FDFT1: variants seen among roughly 807,000 people sequenced by gnomAD.
The protein encoded by FDFT1 is farnesyl-diphosphate farnesyltransferase 1.
A neutral mutation model predicts 46.8 loss-of-function variants in FDFT1; 68 were observed. The ratio of observed to expected loss-of-function variants is 1.45; its 90% CI spans 1.19 to 1.78. The LOEUF (loss-of-function observed/expected upper bound fraction) is 1.78. Among genes scored for constraint, FDFT1 ranks in the 40% most tolerant of loss-of-function variants. The probability of loss-of-function intolerance (pLI) is 0.00; values close to 1 mark genes in which losing one functional copy is unlikely to be tolerated. For missense variants in FDFT1, 928 were observed against 524.4 expected (o/e 1.77, Z -7.52); for synonymous variants, 351 against 185.1 (o/e 1.90, Z -7.28).
chr8:11,798,305 C>G (rs1246402395), upstream of FDFT1, among the ~76,000 whole-genome samples: 1 of 152,136 alleles, frequency 6.6e-6, no homozygotes, highest in Non-Finnish European at 1.5e-5. Context: ...AGTGATCCGC[C>G]TGCATTGGTC....
intron 3 of FDFT1, among the ~76,000 whole-genome samples, chr8:11,810,933 T>A (rs1474791468): frequency 3.4e-5 from 3 of 89,446 alleles, no homozygotes; most frequent in African/African-American, 8.8e-5. Flanking sequence ...GAGCAATATT[T>A]AAAAAAAAAA....
rs1044122185 is a variant in FDFT1, at chr8:11,802,795, G to T, written c.-38G>T. 7 of 1,530,622 alleles carry T rather than the reference G, an allele frequency of 4.6e-6. No individual in the cohort carries two copies. Among genetic ancestry groups the T allele is most frequent in the Non-Finnish European group, 4.5e-6 (5 of 1,115,524 alleles). 94.8% of individuals were successfully genotyped at this position (1,530,622 alleles called of 1,614,324 possible). On this transcript the variant is annotated 5_prime_UTR_variant, in exon 1 of 8. Coordinates refer to ENST00000220584, the MANE Select transcript of FDFT1 (RefSeq NM_004462.5). ...CGGTGAGCGCCTGGGGACCGCAGAG[G>T]TGAGAGTCGCGCCCGGGAGTCCGCC...
At chr8:11,833,371 C>CA (rs1811121804) in intron 7 of FDFT1, among the ~76,000 whole-genome samples, 2 of 152,170 alleles carry the variant, frequency 1.3e-5, no homozygotes, top group South Asian at 4.1e-4. Flanking sequence ...CTAAGGGGTT[C>CA]AACTACCCTT....
At chr8:11,826,540 G>A (rs531430262) in intron 5 of FDFT1, among the ~76,000 whole-genome samples, 6 of 152,300 alleles carry the variant, frequency 3.9e-5, no homozygotes, top group Admixed American at 2.0e-4. Context: ...TCGGCCTGGC[G>A]CAGTGGCTCA....
chr8:11,808,709 G>GTCCCACTCCCACTCCCACTCCCAC lies in FDFT1; in HGVS notation c.100-69_100-46dup, dbSNP rs71711801. The GTCCCACTCCCACTCCCACTCCCAC allele has an allele frequency of 1.7e-3, 2,566 of 1,515,078 alleles. 9 individuals are homozygous for GTCCCACTCCCACTCCCACTCCCAC. The highest frequency in any genetic ancestry group is 7.8e-3 in the South Asian group (625 of 80,588). The allele number at this position is 1,515,078 out of a possible 1,614,324, so 93.9% of individuals were successfully genotyped here. A position where few individuals can be genotyped will look rare whatever the true frequency, so the allele number is the denominator to read the frequency against. Reference sequence around the variant, plus strand: ...GCAGGCTGTGGAGCCGCCTGCCCCAGTCCCACTCCCACTCCCACTCCCACT... The same window carrying GTCCCACTCCCACTCCCACTCCCAC: ...GCAGGCTGTGGAGCCGCCTGCCCCAGTCCCACTCCCACTCCCACTCCCACTCCCACTCCCACTCCCACTCCCACT... On this transcript the variant is annotated intron_variant, in intron 1 of 7. Transcript: ENST00000220584.
intron 7 of FDFT1, among the ~76,000 whole-genome samples, chr8:11,834,488 C>G (rs567647139): frequency 1.3e-5 from 2 of 152,302 alleles, no homozygotes; most frequent in Non-Finnish European, 2.9e-5. Flanking sequence ...AGAGAATCAT[C>G]CGGCTCTTTG....
At chr8:11,807,818 G>A (rs140911289) in intron 1 of FDFT1, 1,704 of 152,328 alleles carry the variant, frequency 0.011, 17 homozygotes, top group South Asian at 0.021. Context: ...AGGTGTCATA[G>A]AAAAACCAGG....
chr8:11,803,081 C>G, intron 1 of FDFT1, 150 bp downstream of exon 1: 1 of 1,442,184 alleles, frequency 6.9e-7, no homozygotes, highest in Non-Finnish European at 9.1e-7. Context: ...CTCGAGCCTT[C>G]CCCCTGTAGG....
chr8:11,800,842 G>A (rs928235310), upstream of FDFT1, among the ~76,000 whole-genome samples: 2 of 152,150 alleles, frequency 1.3e-5, no homozygotes, highest in South Asian at 2.1e-4. Flanking sequence ...TTTTTATACC[G>A]TCATGGCTGG....
intron 6 of FDFT1, among the ~76,000 whole-genome samples, chr8:11,831,077 G>C (rs1184170893): frequency 6.6e-6 from 1 of 152,080 alleles, no homozygotes; most frequent in African/African-American, 2.4e-5. Flanking sequence ...ATCCCCTTCT[G>C]GTTGTTCTCC....
intron 7 of FDFT1, among the ~76,000 whole-genome samples, chr8:11,836,525 A>G (rs1811556218): frequency 6.6e-6 from 1 of 152,212 alleles, no homozygotes; most frequent in African/African-American, 2.4e-5. Context: ...AGGTCCCTCA[A>G]GATCAAGCCA....
rs3189016 is a variant in FDFT1, at chr8:11,838,885, C to T, written c.*276C>T. 4,177 of 448,958 alleles carry T rather than the reference C, an allele frequency of 9.3e-3. 140 individuals carry two copies. Among genetic ancestry groups the T allele is most frequent in the African/African-American group, 0.074 (3,682 of 49,952 alleles). The allele number at this position is 448,958 out of a possible 1,614,324, so 27.8% of individuals were successfully genotyped here. ...TTCAGTGCCACGGTTTAGGTGAAGT[C>T]GCTGCATATGTGACTGTCATGAGAT... On this transcript the variant is annotated 3_prime_UTR_variant, in exon 8 of 8. Transcript: ENST00000220584.
intron 7 of FDFT1, 59 bp downstream of exon 7, chr8:11,831,729 C>T (rs1324710760): frequency 7.4e-6 from 10 of 1,359,804 alleles, no homozygotes; most frequent in African/African-American, 4.3e-5. Context: ...TTAGTAATGT[C>T]ACTGTTTAAC....
intron 1 of FDFT1, among the ~76,000 whole-genome samples, chr8:11,804,093 C>G (rs1374935679): frequency 2.6e-5 from 4 of 152,166 alleles, no homozygotes; most frequent in East Asian, 1.9e-4. Flanking sequence ...GCTGGAGGTA[C>G]AACAGTGAAC....
At chr8:11,808,984 G>GT (rs1319982657) in intron 2 of FDFT1, 93 bp downstream of exon 2, 1 of 1,523,808 alleles carries the variant, frequency 6.6e-7, no homozygotes, top group African/African-American at 1.4e-5. Context: ...AGCGCTCAGC[G>GT]TTGCAGCCTC....
At chr8:11,837,701 G>T (rs1811732728) in intron 7 of FDFT1, among the ~76,000 whole-genome samples, 1 of 152,122 alleles carries the variant, frequency 6.6e-6, no homozygotes, top group South Asian at 2.1e-4. Flanking sequence ...AGAGGTTTGA[G>T]ATCTCCTTGG....
At chr8:11,822,983 G>A (rs1366029025) in intron 4 of FDFT1, among the ~76,000 whole-genome samples, 6 of 152,162 alleles carry the variant, frequency 3.9e-5, no homozygotes, top group African/African-American at 1.2e-4. Flanking sequence ...TTGAGACAGG[G>A]TCTTGCTGTT....
chr8:11,820,884 A>C (rs1809140964), intron 3 of FDFT1, among the ~76,000 whole-genome samples: 1 of 152,304 alleles, frequency 6.6e-6, no homozygotes, highest in Admixed American at 6.5e-5. Flanking sequence ...CCCACTGTCC[A>C]ACCAGTGCCA....
At chr8:11,802,614 C>T (rs1320060223), upstream of FDFT1, 6 of 591,374 alleles carry the variant, frequency 1.0e-5, no homozygotes, top group Non-Finnish European at 1.8e-5. Flanking sequence ...CCTGGCCAAT[C>T]AGCGCCCGTC....
Sources: gnomAD v4.1 joint callset for allele counts (sites outside exome capture counted in the v4.1 genomes callset) on GRCh38, gnomAD v4.1.1 for gene constraint, MANE v1.5 for transcripts, NCBI Gene and HGNC (gene_info 2026-07-23, HGNC 2026-07-21) for gene names.